ADISSP: variants seen among roughly 807,000 people sequenced by gnomAD.
The protein encoded by ADISSP is adipose-secreted signaling protein.
At chr20:3,759,948 C>T in the ADISSP span, 1 of 1,424,424 alleles carries the variant, frequency 7.0e-7, no homozygotes, top group South Asian at 1.2e-5. This position sits in a 1 kb window ranked among gnomAD's most constrained non-coding sequence, Gnocchi z 4.6. Flanking sequence ...CACATTCGCA[C>T]ACCAGCACAC....
At chr20:3,758,775 A>AT in the ADISSP span, 49 of 1,175,174 alleles carry the variant, frequency 4.2e-5, no homozygotes, top group Admixed American at 1.8e-4. The surrounding 1 kb of genome is among the most constrained non-coding windows in gnomAD (Gnocchi z 5.5). Context: ...CCTTGACATC[A>AT]TCCAGCTCCC....
the ADISSP span, chr20:3,755,403 A>G: frequency 6.6e-7 from 1 of 1,506,212 alleles, no homozygotes; most frequent in African/African-American, 1.4e-5. Context: ...CCTAGTTGGA[A>G]GTAAGGGAGC....
chr20:3,757,680 G>A, the ADISSP span, among the ~76,000 whole-genome samples: 4 of 152,128 alleles, frequency 2.6e-5, no homozygotes, highest in Admixed American at 6.5e-5. Flanking sequence ...CCAGGCTGGA[G>A]TGCAGTGGCA....
chr20:3,754,460 G>C, the ADISSP span: 3 of 1,613,994 alleles, frequency 1.9e-6, no homozygotes, highest in Non-Finnish European at 1.7e-6. Context: ...CAGGCTAGCA[G>C]TATCTCCTCT....
At chr20:3,760,214 G>T in the ADISSP span, 2 of 852,792 alleles carry the variant, frequency 2.3e-6, no homozygotes, top group Non-Finnish European at 3.8e-6. Context: ...GGGAGGGCAG[G>T]GGTCAGGGCC....
the ADISSP span, among the ~76,000 whole-genome samples, chr20:3,759,501 A>G: frequency 6.6e-6 from 1 of 151,598 alleles, no homozygotes; most frequent in African/African-American, 2.4e-5. This position sits in a 1 kb window ranked among gnomAD's most constrained non-coding sequence, Gnocchi z 4.6. Context: ...GTCCTCTCTG[A>G]CCCCTGGCCC....
the ADISSP span, chr20:3,754,572 T>C: frequency 1.3e-6 from 2 of 1,590,286 alleles, no homozygotes; most frequent in Non-Finnish European, 8.6e-7. Flanking sequence ...TCCCCGATCC[T>C]GCCCCTGGCA....
chr20:3,760,120 C>A, the ADISSP span: 3 of 1,595,032 alleles, frequency 1.9e-6, no homozygotes, highest in Non-Finnish European at 2.6e-6. Flanking sequence ...CCCTGCCACG[C>A]AGCTCCTGCC....
chr20:3,758,582 G>A, the ADISSP span: 16 of 1,613,526 alleles, frequency 9.9e-6, no homozygotes, highest in East Asian at 8.9e-5. This position sits in a 1 kb window ranked among gnomAD's most constrained non-coding sequence, Gnocchi z 5.5. Flanking sequence ...CATGACCACC[G>A]AGTCATGCAG....
chr20:3,755,690 A>AT, the ADISSP span: 1 of 1,263,580 alleles, frequency 7.9e-7, no homozygotes, highest in Non-Finnish European at 1.1e-6. Context: ...CTATGATCCC[A>AT]TGCGCCCCAG....
chr20:3,758,537 T>C, the ADISSP span: 1 of 1,613,310 alleles, frequency 6.2e-7, no homozygotes, highest in Non-Finnish European at 8.5e-7. This position sits in a 1 kb window ranked among gnomAD's most constrained non-coding sequence, Gnocchi z 5.5. Flanking sequence ...TGCATGTACC[T>C]TGACCAGAAA....
At chr20:3,757,168 G>A in the ADISSP span, among the ~76,000 whole-genome samples, 1 of 152,106 alleles carries the variant, frequency 6.6e-6, no homozygotes, top group Non-Finnish European at 1.5e-5. Context: ...GGCCAACAGA[G>A]TGAAACCCCG....
At chr20:3,759,973 GCACACA>G in the ADISSP span, 22 of 1,358,276 alleles carry the variant, frequency 1.6e-5, no homozygotes, top group East Asian at 2.7e-4. The surrounding 1 kb of genome is among the most constrained non-coding windows in gnomAD (Gnocchi z 4.6). Flanking sequence ...ACTCACACAT[GCACACA>G]CACACACACA....
chr20:3,762,228 C>T, the ADISSP span, among the ~76,000 whole-genome samples: 2 of 151,158 alleles, frequency 1.3e-5, no homozygotes, highest in South Asian at 2.1e-4. Flanking sequence ...GCCAAGATCG[C>T]GCCACGGCAC....
At chr20:3,762,068 T>C in the ADISSP span, among the ~76,000 whole-genome samples, 93 of 152,084 alleles carry the variant, frequency 6.1e-4, no homozygotes, top group African/African-American at 2.0e-3. Context: ...GGTAAGGAGT[T>C]CAAGACCAGC....
At chr20:3,760,298 C>A in the ADISSP span, 1 of 577,996 alleles carries the variant, frequency 1.7e-6, no homozygotes, top group South Asian at 2.0e-5. Flanking sequence ...CCGCTCTCAG[C>A]AGCCCAAGTG....
At chr20:3,754,978 A>G in the ADISSP span, among the ~76,000 whole-genome samples, 1 of 152,076 alleles carries the variant, frequency 6.6e-6, no homozygotes, top group Admixed American at 6.6e-5. Flanking sequence ...GGGACATGAA[A>G]CTGAAGCTGG....
chr20:3,755,682 A>C, the ADISSP span: 1 of 1,336,190 alleles, frequency 7.5e-7, no homozygotes, highest in Non-Finnish European at 1.0e-6. Flanking sequence ...TGTGCCACCT[A>C]TGATCCCATG....
chr20:3,760,408 G>C, the ADISSP span, among the ~76,000 whole-genome samples: 1 of 152,196 alleles, frequency 6.6e-6, no homozygotes, highest in African/African-American at 2.4e-5. Flanking sequence ...AGTGACTCAG[G>C]GTCCTGCCAG....
Sources: gnomAD v4.1 joint callset for allele counts (sites outside exome capture counted in the v4.1 genomes callset) on GRCh38, gnomAD v4.1.1 for gene constraint, Gnocchi (gnomAD v3.1) non-coding constraint, MANE v1.5 for transcripts, NCBI Gene and HGNC (gene_info 2026-07-23, HGNC 2026-07-21) for gene names.